SOAT1: variants seen among roughly 807,000 people sequenced by gnomAD.
SOAT1 encodes the protein acyl-coenzyme A:cholesterol acyltransferase 1.
Under a neutral mutation model 69.5 loss-of-function variants are expected in SOAT1, and 55 were observed. The ratio of observed to expected loss-of-function variants is 0.79; its 90% CI spans 0.64 to 0.99. The LOEUF is 0.99. Ranked by LOEUF, SOAT1 falls within the 50% of genes least tolerant of loss-of-function variation. The probability of loss-of-function intolerance (pLI) is 0.00; values close to 1 mark genes in which losing one functional copy is unlikely to be tolerated. For missense variants in SOAT1, 580 were observed against 669.3 expected, an observed-to-expected ratio of 0.87 and a Z score of 1.47; for synonymous variants, 231 against 224.7, an observed-to-expected ratio of 1.03 and a Z score of -0.25.
At chr1:179,348,811 TGTGTA>T in intron 12 of SOAT1, 28 bp from the exon 13 acceptor site, 1 of 748,848 alleles carries the variant, frequency 1.3e-6, no homozygotes, top group Non-Finnish European at 2.3e-6. Context: ...TGTGTGTGTG[TGTGTA>T]GTTTTATACC....
At chr1:179,340,085 G>A (rs1158821021) in intron 6 of SOAT1, among the ~76,000 whole-genome samples, 1 of 152,182 alleles carries the variant, frequency 6.6e-6, no homozygotes, top group African/African-American at 2.4e-5. Flanking sequence ...TATAGGGAGG[G>A]ATAACTGTAT....
intron 3 of SOAT1, among the ~76,000 whole-genome samples, chr1:179,331,301 G>A (rs189750631): frequency 1.6e-4 from 24 of 152,310 alleles, no homozygotes; most frequent in Middle Eastern, 3.4e-3. Context: ...TTTAATGAAT[G>A]CCTGCTTGGT....
chr1:179,345,002 T>C lies in SOAT1; in HGVS notation c.1043T>C (p.Leu348Ser). Residue 348 changes from leucine to serine, a missense_variant, in exon 11 of 16, where the codon TTG becomes TCG. Leu to Ser is a moderately radical substitution (Grantham distance 145, BLOSUM62 -2). Coordinates refer to ENST00000367619, the MANE Select transcript of SOAT1 (RefSeq NM_003101.6). The stretch of plus-strand genomic sequence containing the variant: ...ATCTTTGAAAGGCTTTGTGCCCCCT[T>C]GTTTCGGAATATCAAACAGGAGCCC... ...YYIFERLCAP[L>S]FRNIKQEPFS... 6.2e-7 allele frequency: 1 copy of C among 1,614,102 alleles called. No individual in the cohort carries two copies. The highest frequency in any genetic ancestry group is 8.5e-7 in the Non-Finnish European group (1 of 1,179,954).
rs576506617 is a variant in SOAT1 at position 179,341,307 on chromosome 1, G to T, written c.777G>T (p.Glu259Asp). ...PPASRFIIIF[E>D]QIRFVMKAHS... The stretch of plus-strand genomic sequence containing the variant: ...CTTCCCGGTTCATCATTATATTCGA[G>T]CAGGTAAGGTTTTAAGTGTTACCCA... Residue 259 changes from glutamate (E) to aspartate (D), a missense_variant, in exon 7 of 16, where the codon GAG becomes GAT. By Grantham distance (45) the Glu-to-Asp change is conservative (BLOSUM62 2). Transcript: ENST00000367619. 1 of 1,613,788 alleles carries T rather than the reference G, an allele frequency of 6.2e-7. No individual in the cohort carries two copies. Among genetic ancestry groups the T allele is most frequent in the African/African-American group, 1.3e-5 (1 of 74,944 alleles).
intron 3 of SOAT1, among the ~76,000 whole-genome samples, chr1:179,326,799 T>G (rs1256471176): frequency 6.6e-6 from 1 of 152,006 alleles, no homozygotes; most frequent in Non-Finnish European, 1.5e-5. Context: ...CCTCAAATGA[T>G]CCACCCCACC....
At chr1:179,320,926 G>A (rs1397977880) in intron 2 of SOAT1, among the ~76,000 whole-genome samples, 3 of 149,128 alleles carry the variant, frequency 2.0e-5, no homozygotes, top group Admixed American at 1.3e-4. Flanking sequence ...TTTTTTTTGA[G>A]ATGGAGTCTC....
At chr1:179,332,283 A>G (rs1423491363) in intron 3 of SOAT1, among the ~76,000 whole-genome samples, 5 of 152,170 alleles carry the variant, frequency 3.3e-5, no homozygotes, top group African/African-American at 1.2e-4. Context: ...TTTAGGATAA[A>G]AAATTCTTAA....
intron 1 of SOAT1, among the ~76,000 whole-genome samples, chr1:179,301,700 T>C (rs969762441): frequency 6.6e-6 from 1 of 152,206 alleles, no homozygotes; most frequent in Non-Finnish European, 1.5e-5. Flanking sequence ...GTTATGAAGA[T>C]TAAATGAGAA....
intron 2 of SOAT1, among the ~76,000 whole-genome samples, chr1:179,304,157 C>T (rs1440748242): frequency 1.3e-5 from 2 of 152,128 alleles, no homozygotes; most frequent in Non-Finnish European, 2.9e-5. Flanking sequence ...GAAAATGTTT[C>T]TTCACATATT....
At chr1:179,347,903 T>A (rs569740907) in intron 12 of SOAT1, among the ~76,000 whole-genome samples, 1 of 152,360 alleles carries the variant, frequency 6.6e-6, no homozygotes, top group African/African-American at 2.4e-5. Context: ...CTCTAATATC[T>A]GCTCCCTTAA....
At position 179,347,494 on chromosome 1, in the gene SOAT1, A is replaced by T. The variant is rs1219794026; in HGVS notation, c.1118-106A>T. ...AATGGGTAAACTGGAATAATAACTT[A>T]TATTTTACAAAATAATCCCAGCTAA... is the stretch of plus-strand genomic sequence containing the variant. On this transcript the variant is annotated intron_variant, in intron 11 of 15. Coordinates refer to ENST00000367619, the MANE Select transcript of SOAT1 (RefSeq NM_003101.6). 4.6e-6 allele frequency: 3 copies of T among 649,456 alleles called. No individual in the cohort carries two copies. The African/African-American group carries it at 5.5e-5, about 12-fold the overall frequency. 40.2% of individuals were successfully genotyped at this position (649,456 alleles called of 1,614,324 possible). A position where few individuals can be genotyped will look rare whatever the true frequency, so the allele number is the denominator to read the frequency against.
chr1:179,318,899 C>T (rs1262571393), intron 2 of SOAT1, among the ~76,000 whole-genome samples: 1 of 152,074 alleles, frequency 6.6e-6, no homozygotes, highest in African/African-American at 2.4e-5. Context: ...ATGACTAATG[C>T]TGCCCATGAA....
chr1:179,337,077 C>G (rs919886431), intron 4 of SOAT1, among the ~76,000 whole-genome samples: 1 of 151,894 alleles, frequency 6.6e-6, no homozygotes, highest in Non-Finnish European at 1.5e-5. Flanking sequence ...TTAGTATATA[C>G]TTTTCTAATT....
At chr1:179,322,346 A>G (rs769967884) in intron 2 of SOAT1, among the ~76,000 whole-genome samples, 9 of 150,788 alleles carry the variant, frequency 6.0e-5, no homozygotes, top group Non-Finnish European at 1.3e-4. Flanking sequence ...CTAGTTTCCT[A>G]GTGTGTTTTA....
At position 179,353,007 on chromosome 1, in the gene SOAT1, A is replaced by C. The variant is rs544599155; in HGVS notation, c.1597-578A>C. ...TATTTCTGAACTTTTGTAGTGCTTC[A>C]TTTGCTCCTCCTTTGATAGTTCAGT... On this transcript the variant is annotated intron_variant, in intron 15 of 15. Transcript: ENST00000367619. Among the ~76,000 whole-genome samples, 11 of 149,270 alleles carry C rather than the reference A, an allele frequency of 7.4e-5. No individual in the cohort carries two copies. The East Asian group carries it at 2.2e-3, about 29-fold the overall frequency.
rs1366629001 is a variant in SOAT1, at chr1:179,343,633, C to T, written c.985C>T (p.Gln329Ter). 5.0e-6 allele frequency: 8 copies of T among 1,609,964 alleles called. No homozygotes were observed. Among genetic ancestry groups the T allele is most frequent in the Non-Finnish European group, 6.8e-6 (8 of 1,177,180 alleles). Reference sequence around the variant, plus strand: ...GGGTTATGTCGCTATGAAGTTTGCACAGGTAAGTTTTTGTAACTGCCTAAG... The same window carrying T: ...GGGTTATGTCGCTATGAAGTTTGCATAGGTAAGTTTTTGTAACTGCCTAAG... ...RWGYVAMKFA[Q>*]VFGCFFYVYY... Residue 329 changes from glutamine to a stop codon, truncating the protein, a stop_gained and splice_region_variant, in exon 10 of 16, where the codon CAG becomes TAG. Coordinates refer to ENST00000367619, the MANE Select transcript of SOAT1 (RefSeq NM_003101.6). LOFTEE classifies it high-confidence loss of function.
rs148656850 is a variant in SOAT1, at chr1:179,333,859, A to G, written c.178-1647A>G. Among the ~76,000 whole-genome samples, 440 of 151,180 alleles carry G rather than the reference A, an allele frequency of 2.9e-3. 3 individuals carry two copies. The highest frequency in any genetic ancestry group is 9.9e-3 in the African/African-American group (407 of 41,272). ...AAAAAAAAAAAAAAAAGTTTCAAGG[A>G]AGAACTCATTTTTTGTCAAGTGGTG... On this transcript the variant is annotated intron_variant, in intron 3 of 15. Coordinates refer to ENST00000367619, the MANE Select transcript of SOAT1 (RefSeq NM_003101.6).
chr1:179,330,880 T>C (rs557110425), intron 3 of SOAT1, among the ~76,000 whole-genome samples: 6 of 152,328 alleles, frequency 3.9e-5, no homozygotes, highest in Admixed American at 3.9e-4. Context: ...CTGTGGACTT[T>C]GACAAATCAT....
chr1:179,336,200 T>C (rs1381453348), intron 4 of SOAT1, among the ~76,000 whole-genome samples: 1 of 148,438 alleles, frequency 6.7e-6, no homozygotes, highest in Non-Finnish European at 1.5e-5. Context: ...TGGTGGCTCA[T>C]ACCTGTAATC....
Sources: gnomAD v4.1 joint callset for allele counts (sites outside exome capture counted in the v4.1 genomes callset) on GRCh38, gnomAD v4.1.1 for gene constraint, MANE v1.5 for transcripts, NCBI Gene and HGNC (gene_info 2026-07-23, HGNC 2026-07-21) for gene names.